PAQR3: variants seen among roughly 807,000 people sequenced by gnomAD.
The protein encoded by PAQR3 is Raf kinase trapping to Golgi.
In PAQR3, 39 loss-of-function variants were observed where a neutral mutation model predicts 41.7. The ratio of observed to expected loss-of-function variants is 0.93; its 90% CI spans 0.72 to 1.22. The LOEUF is 1.22. Ranked by LOEUF, PAQR3 falls within the 50% of genes most tolerant of loss-of-function variation. PAQR3 has a pLI of 0.00. For missense variants in PAQR3, 366 were observed against 385.6 expected, an observed-to-expected ratio of 0.95 and a Z score of 0.42; for synonymous variants, 140 against 140.6, an observed-to-expected ratio of 1.00 and a Z score of 0.03.
At chr4:78,927,988 G>A (rs764106250) in intron 3 of PAQR3, among the ~76,000 whole-genome samples, 2 of 152,002 alleles carry the variant, frequency 1.3e-5, no homozygotes, top group Non-Finnish European at 2.9e-5. Context: ...CAGCAACTGA[G>A]TGTTTGAAAA....
Position 78,914,607 on chromosome 4 carries a change from C to G in PAQR3, c.*5932G>C, listed in dbSNP as rs1432464492. On this transcript the variant is annotated 3_prime_UTR_variant, in exon 6 of 6. Transcript: ENST00000512733. ...AAAGCTCCCAAGATATGTGAAAGTGCTTAACACAGTACCTGGCACACAGCA... is the reference window on the plus strand; with the variant it reads ...AAAGCTCCCAAGATATGTGAAAGTGGTTAACACAGTACCTGGCACACAGCA... 1 of 151,842 alleles carries G rather than the reference C, an allele frequency of 6.6e-6. No individual in the cohort carries two copies. The highest frequency in any genetic ancestry group is 1.5e-5 in the Non-Finnish European group (1 of 67,910). The allele number at this position is 151,842 out of a possible 1,614,324, so 9.4% of individuals were successfully genotyped here.
Position 78,918,336 on chromosome 4 carries a change from T to G in PAQR3, c.*2203A>C, listed in dbSNP as rs138843205. 8 of 974,988 alleles carry G rather than the reference T, an allele frequency of 8.2e-6. No individual in the cohort carries two copies. The African/African-American group carries it at 1.4e-4, about 17-fold the overall frequency. 60.4% of individuals were successfully genotyped at this position (974,988 alleles called of 1,614,324 possible). A position where few individuals can be genotyped will look rare whatever the true frequency, so the allele number is the denominator to read the frequency against. The stretch of plus-strand genomic sequence containing the variant: ...TTAAAATATTTTTTAATGTTAACAA[T>G]GTCTTCAAAATTTTACCAGTAGTGC... On this transcript the variant is annotated 3_prime_UTR_variant, in exon 6 of 6. Coordinates refer to ENST00000512733, the MANE Select transcript of PAQR3 (RefSeq NM_001040202.2).
chr4:78,894,613 C>G (rs1368985957), intron 11 of PAQR3, among the ~76,000 whole-genome samples: 1 of 152,228 alleles, frequency 6.6e-6, no homozygotes, highest in Admixed American at 6.5e-5. Flanking sequence ...TCTGTCCAGA[C>G]CATTAAAATT....
chr4:78,935,011 C>G, intron 2 of PAQR3, 110 bp downstream of exon 2: 1 of 889,442 alleles, frequency 1.1e-6, no homozygotes, highest in Non-Finnish European at 1.7e-6. Context: ...ACCAACATGC[C>G]ATTCCGGGGC....
intron 5 of PAQR3, chr4:78,921,490 G>A (rs1560571666): frequency 5.9e-6 from 1 of 170,520 alleles, no homozygotes; most frequent in East Asian, 1.9e-4. Flanking sequence ...AAGATTCTTA[G>A]CCTTTTTTGT....
At chr4:78,908,457 T>C (rs62307996), downstream of PAQR3, among the ~76,000 whole-genome samples, 11,145 of 152,224 alleles carry the variant, frequency 0.073, 564 homozygotes, top group East Asian at 0.21. Flanking sequence ...ATGTTCATCT[T>C]CCTCTGCTGA....
Position 78,918,269 on chromosome 4 carries a change from CTT to C in PAQR3, c.*2268_*2269del, listed in dbSNP as rs796372112. The C allele has an allele frequency of 2.7e-5, 25 of 933,604 alleles. No individual in the cohort carries two copies. In the African/African-American group the frequency reaches 3.9e-4, roughly 15 times the overall value. The allele number at this position is 933,604 out of a possible 1,614,324, so 57.8% of individuals were successfully genotyped here. A position where few individuals can be genotyped will look rare whatever the true frequency, so the allele number is the denominator to read the frequency against. On this transcript the variant is annotated 3_prime_UTR_variant, in exon 6 of 6. Transcript: ENST00000512733. ...CTTTAATCTATAAAAACAAAAATAACTTAAATATACATCATTACAAGGCTCAG... is the reference window on the plus strand; with the variant it reads ...CTTTAATCTATAAAAACAAAAATAACAAATATACATCATTACAAGGCTCAG...
chr4:78,918,142 A>G lies in PAQR3; in HGVS notation c.*2397T>C. 1 of 965,414 alleles carries G rather than the reference A, an allele frequency of 1.0e-6. No homozygotes were observed. The highest frequency in any genetic ancestry group is 1.2e-6 in the Non-Finnish European group (1 of 811,464). The allele number at this position is 965,414 out of a possible 1,614,324, so 59.8% of individuals were successfully genotyped here. ...TTTAAAACAGCCATAGATAATTTTA[A>G]AATGTAAAATCTGTAGGCAAAAAGC... On this transcript the variant is annotated 3_prime_UTR_variant, in exon 6 of 6. Coordinates refer to ENST00000512733, the MANE Select transcript of PAQR3 (RefSeq NM_001040202.2).
intron 11 of PAQR3, among the ~76,000 whole-genome samples, chr4:78,893,971 G>C (rs145950888): frequency 5.9e-5 from 9 of 152,314 alleles, no homozygotes; most frequent in Admixed American, 5.9e-4. Context: ...CTCCATCAGA[G>C]CTCTTGGGTG....
chr4:78,900,236 A>G (rs890459613), intron 11 of PAQR3, among the ~76,000 whole-genome samples: 3 of 152,234 alleles, frequency 2.0e-5, no homozygotes, highest in African/African-American at 4.8e-5. Flanking sequence ...AATACAGTGT[A>G]TAATATAACA....
rs901668179 is a variant in PAQR3 at position 78,914,657 on chromosome 4, T to C, written c.*5882A>G. On this transcript the variant is annotated 3_prime_UTR_variant, in exon 6 of 6. Coordinates refer to ENST00000512733, the MANE Select transcript of PAQR3 (RefSeq NM_001040202.2). ...ACTCAATAAAAGTTTGGCTCTATTATGGGATGGTTCAATTCTGGTTTAAGG... is the reference window on the plus strand; with the variant it reads ...ACTCAATAAAAGTTTGGCTCTATTACGGGATGGTTCAATTCTGGTTTAAGG... 3 of 151,592 alleles carry C rather than the reference T, an allele frequency of 2.0e-5. No homozygotes were observed. Among genetic ancestry groups the C allele is most frequent in the African/African-American group, 7.3e-5 (3 of 41,254 alleles). The allele number at this position is 151,592 out of a possible 1,614,324, so 9.4% of individuals were successfully genotyped here. A position where few individuals can be genotyped will look rare whatever the true frequency, so the allele number is the denominator to read the frequency against.
rs1330158238 is a variant in PAQR3, at chr4:78,935,269, G to A, written c.200C>T (p.Ser67Phe). The A allele has an allele frequency of 1.2e-6, 2 of 1,608,534 alleles. No homozygotes were observed. Among genetic ancestry groups the A allele is most frequent in the Non-Finnish European group, 1.7e-6 (2 of 1,178,628 alleles). The change falls in exon 2 of 6, where the codon TCT becomes TTT. Residue 67 changes from serine (S) to phenylalanine (F), a missense_variant. Transcript: ENST00000512733. The part of the protein sequence containing the change: ...RLCIKSLFIL[S>F]NETVNIWSHL... ...ACTCCAGATGTTTACTGTCTCATTA[G>A]ATAAAATAAACAAACTGGAAAATAA...
chr4:78,893,467 G>C (rs1733546043), intron 11 of PAQR3, among the ~76,000 whole-genome samples: 1 of 152,166 alleles, frequency 6.6e-6, no homozygotes, highest in African/African-American at 2.4e-5. Flanking sequence ...ATGAAATCTA[G>C]AATGGTGAAT....
chr4:78,904,729 T>A (rs1223441317), intron 11 of PAQR3, among the ~76,000 whole-genome samples: 1 of 151,966 alleles, frequency 6.6e-6, no homozygotes, highest in East Asian at 1.9e-4. Flanking sequence ...TTGAGACTTG[T>A]ATTCTGTTCC....
rs1734666504 is a variant in PAQR3, at chr4:78,912,124, A to G, written c.*8415T>C. ...GAAAGAAAATTTGGTAGCTCTTTATAGCATTCATTCTTAAAGATCAGTCAG... is the reference window on the plus strand; with the variant it reads ...GAAAGAAAATTTGGTAGCTCTTTATGGCATTCATTCTTAAAGATCAGTCAG... On this transcript the variant is annotated 3_prime_UTR_variant, in exon 6 of 6. Coordinates refer to ENST00000512733, the MANE Select transcript of PAQR3 (RefSeq NM_001040202.2). 6.1e-6 allele frequency: 7 copies of G among 1,150,502 alleles called. No homozygotes were observed. In the East Asian group the frequency reaches 7.1e-5, roughly 12 times the overall value. 71.3% of individuals were successfully genotyped at this position (1,150,502 alleles called of 1,614,324 possible).
intron 1 of PAQR3, among the ~76,000 whole-genome samples, chr4:78,937,520 C>T (rs1477252178): frequency 1.3e-5 from 2 of 152,320 alleles, no homozygotes; most frequent in Middle Eastern, 3.4e-3. Context: ...ATCTGTTCAG[C>T]TTCACAACCA....
Position 78,939,122 on chromosome 4 carries a change from G to T in PAQR3, c.103C>A (p.Gln35Lys). Residue 35 changes from glutamine to lysine, a missense_variant, in exon 1 of 6, where the codon CAG becomes AAG. Transcript: ENST00000512733. ...PRGIRLYTYEQIPGSLKDNPY... is the reference protein window; with the variant it reads ...PRGIRLYTYEKIPGSLKDNPY... ...TTGTCCTTGAGGGACCCGGGGATCT[G>T]CTCGTAGGTGTACAGGCGGATGCCA... 6.2e-7 allele frequency: 1 copy of T among 1,613,866 alleles called. No homozygotes were observed. Among genetic ancestry groups the T allele is most frequent in the Non-Finnish European group, 8.5e-7 (1 of 1,179,878 alleles).
chr4:78,896,995 T>TA (rs1419410898), intron 11 of PAQR3, among the ~76,000 whole-genome samples: 2 of 152,132 alleles, frequency 1.3e-5, no homozygotes, highest in African/African-American at 2.4e-5. Context: ...AGCTTAATCT[T>TA]AGAGTTTTGA....
intron 11 of PAQR3, among the ~76,000 whole-genome samples, chr4:78,897,265 C>A (rs1199559762): frequency 1.3e-5 from 2 of 151,642 alleles, no homozygotes; most frequent in Non-Finnish European, 2.9e-5. Flanking sequence ...AAAAGTGCAG[C>A]TATAAAAATG....
Sources: gnomAD v4.1 joint callset for allele counts (sites outside exome capture counted in the v4.1 genomes callset) on GRCh38, gnomAD v4.1.1 for gene constraint, MANE v1.5 for transcripts, NCBI Gene and HGNC (gene_info 2026-07-23, HGNC 2026-07-21) for gene names.